The following PRKAA1 variants were observed in gnomAD, a reference collection of about 807,000 sequenced individuals.
The protein encoded by PRKAA1 is 5'-AMP-activated protein kinase catalytic subunit alpha-1.
A neutral mutation model predicts 56.9 loss-of-function variants in PRKAA1; 23 were observed. That is an observed-to-expected ratio of 0.40 (90% confidence interval 0.29 to 0.57). The LOEUF is 0.57. Among genes scored for constraint, PRKAA1 ranks in the 20% least tolerant of loss-of-function variants. The pLI is 0.39. For missense variants in PRKAA1, 413 were observed against 679.7 expected (o/e 0.61, Z 4.36); for synonymous variants, 226 against 227.0 (o/e 1.00, Z 0.04).
At chr5:40,775,378 AATAC>A in intron 3 of PRKAA1, 28 bp downstream of exon 3, 1 of 1,523,158 alleles carries the variant, frequency 6.6e-7, no homozygotes, top group Non-Finnish European at 9.1e-7. Flanking sequence ...GGAGTTACAA[AATAC>A]ATACAGAATT....
chr5:40,778,460 G>T (rs530216389), intron 1 of PRKAA1, among the ~76,000 whole-genome samples: 3 of 152,098 alleles, frequency 2.0e-5, no homozygotes, highest in Non-Finnish European at 2.9e-5. Flanking sequence ...TAAAGGAAGA[G>T]GGGAAGGAGA....
chr5:40,768,749 A>C, intron 5 of PRKAA1: 1 of 1,322,768 alleles, frequency 7.6e-7, no homozygotes, highest in African/African-American at 1.5e-5. Flanking sequence ...GTTCATTATA[A>C]ATCTAGCAAA....
At chr5:40,794,202 G>C (rs1430143909) in intron 1 of PRKAA1, among the ~76,000 whole-genome samples, 1 of 152,110 alleles carries the variant, frequency 6.6e-6, no homozygotes, top group Non-Finnish European at 1.5e-5. Flanking sequence ...GAGTGAGGTG[G>C]TATCACATTG....
Position 40,761,332 on chromosome 5 carries a change from G to A in PRKAA1, c.*1446C>T, listed in dbSNP as rs1579704285. 6.6e-6 allele frequency: 1 copy of A among 152,194 alleles called. No homozygotes were observed. The highest frequency in any genetic ancestry group is 1.9e-4 in the East Asian group (1 of 5,186). The allele number at this position is 152,194 out of a possible 1,614,324, so 9.4% of individuals were successfully genotyped here. A position where few individuals can be genotyped will look rare whatever the true frequency, so the allele number is the denominator to read the frequency against. On this transcript the variant is annotated 3_prime_UTR_variant, in exon 9 of 9. Coordinates refer to ENST00000397128, the MANE Select transcript of PRKAA1 (RefSeq NM_006251.6). ...ACAATGGTATTACGGATTTTTAGGA[G>A]AATGTCATTATCTGTAGGAGATACT...
intron 6 of PRKAA1, among the ~76,000 whole-genome samples, chr5:40,767,166 A>C (rs891258076): frequency 6.6e-6 from 1 of 152,174 alleles, no homozygotes; most frequent in African/African-American, 2.4e-5. Flanking sequence ...CCACAGCACC[A>C]ATCTTTCATT....
chr5:40,795,798 A>G (rs1379646212), intron 1 of PRKAA1, among the ~76,000 whole-genome samples: 1 of 152,228 alleles, frequency 6.6e-6, no homozygotes, highest in African/African-American at 2.4e-5. Flanking sequence ...TATGAAACCT[A>G]TGATCCTTGG....
At chr5:40,796,961 A>G (rs1046482321) in intron 1 of PRKAA1, among the ~76,000 whole-genome samples, 2 of 151,794 alleles carry the variant, frequency 1.3e-5, no homozygotes, top group African/African-American at 4.8e-5. Flanking sequence ...CCCTTATAAC[A>G]AAGTCAAATA....
chr5:40,789,221 A>G (rs892333193), intron 1 of PRKAA1, among the ~76,000 whole-genome samples: 5 of 152,182 alleles, frequency 3.3e-5, no homozygotes. Flanking sequence ...AAAAATAAAA[A>G]TAAAAAAAAA....
At chr5:40,779,734 A>G (rs1579739808) in intron 1 of PRKAA1, among the ~76,000 whole-genome samples, 1 of 152,204 alleles carries the variant, frequency 6.6e-6, no homozygotes, top group Admixed American at 6.5e-5. Context: ...AGAGTCACCC[A>G]AAGAGCCAAG....
At chr5:40,771,598 G>T in intron 4 of PRKAA1, 121 bp downstream of exon 4, 1 of 930,120 alleles carries the variant, frequency 1.1e-6, no homozygotes, top group Non-Finnish European at 1.6e-6. Context: ...AGAATACTTT[G>T]ATATACTCAG....
chr5:40,772,563 A>T (rs529680458), intron 3 of PRKAA1, among the ~76,000 whole-genome samples: 3 of 148,032 alleles, frequency 2.0e-5, no homozygotes, highest in South Asian at 4.2e-4. Flanking sequence ...TATGCTTGCT[A>T]AAAAAAAAAT....
At chr5:40,792,364 C>A (rs112985737) in intron 1 of PRKAA1, among the ~76,000 whole-genome samples, 1,591 of 152,196 alleles carry the variant, frequency 0.01, 22 homozygotes, top group African/African-American at 0.033. Context: ...AAGGTTACTT[C>A]GAAAGTTTTG....
intron 1 of PRKAA1, among the ~76,000 whole-genome samples, chr5:40,789,171 A>G (rs1744616759): frequency 6.6e-6 from 1 of 152,116 alleles, no homozygotes. Context: ...TGATCATGCC[A>G]CTGCACTCCA....
At position 40,777,458 on chromosome 5, in the gene PRKAA1, GA is replaced by G; in HGVS notation, c.255del (p.His86IlefsTer2). ...AACAGAGCTTACAGTTTAATTATAT[GA>G]GGATGCCTGAAAAGCTTGAGGTTCT... ...EIQNLKLFRHPHIIKLYQVIS... is the reference protein window; with the variant it reads ...EIQNLKLFRHXHIIKLYQVIS... On this transcript the variant is annotated frameshift_variant, in exon 2 of 9. Coordinates refer to ENST00000397128, the MANE Select transcript of PRKAA1 (RefSeq NM_006251.6). LOFTEE classifies it high-confidence loss of function. 1 of 1,612,444 alleles carries G rather than the reference GA, an allele frequency of 6.2e-7. No individual in the cohort carries two copies. The highest frequency in any genetic ancestry group is 8.5e-7 in the Non-Finnish European group (1 of 1,178,674).
chr5:40,771,908 TA>T (rs1214459280), intron 3 of PRKAA1, 45 bp from the exon 4 acceptor site: 3 of 1,577,856 alleles, frequency 1.9e-6, no homozygotes, highest in Non-Finnish European at 2.6e-6. Context: ...TCTTTCAAAG[TA>T]AATTGTCCTA....
chr5:40,795,035 A>AC (rs1561192154), intron 1 of PRKAA1, among the ~76,000 whole-genome samples: 117 of 151,874 alleles, frequency 7.7e-4, no homozygotes, highest in African/African-American at 2.3e-3. Context: ...ACACACACAC[A>AC]AAATGGAATA....
At chr5:40,778,779 ATTTTTTTT>A (rs70988808) in intron 1 of PRKAA1, among the ~76,000 whole-genome samples, 42 of 57,806 alleles carry the variant, frequency 7.3e-4, no homozygotes, top group African/African-American at 1.0e-3. Flanking sequence ...CTGTTTTTTA[ATTTTTTTT>A]TTTTTTTTTT....
chr5:40,772,094 A>G (rs1743774019), intron 3 of PRKAA1, among the ~76,000 whole-genome samples: 1 of 152,238 alleles, frequency 6.6e-6, no homozygotes. Context: ...TCATTTGCAT[A>G]TGACTACATT....
intron 4 of PRKAA1, among the ~76,000 whole-genome samples, chr5:40,770,201 G>A (rs749989741): frequency 2.1e-4 from 32 of 152,188 alleles, no homozygotes; most frequent in Non-Finnish European, 4.0e-4. Flanking sequence ...GGTGGCTCAC[G>A]CCTGTAATCC....
Sources: gnomAD v4.1 joint callset for allele counts (sites outside exome capture counted in the v4.1 genomes callset) on GRCh38, gnomAD v4.1.1 for gene constraint, MANE v1.5 for transcripts, NCBI Gene and HGNC (gene_info 2026-07-23, HGNC 2026-07-21) for gene names.